MAP2: variants seen among roughly 807,000 people sequenced by gnomAD.
The protein encoded by MAP2 is microtubule associated protein 2, also known as microtubule-associated protein 2.
In MAP2, 14 loss-of-function variants were observed where a neutral mutation model predicts 137.6. That is an observed-to-expected ratio of 0.10 (90% CI 0.07 to 0.16). The LOEUF is 0.16. Among genes scored for constraint, MAP2 ranks in the 10% least tolerant of loss-of-function variants. The probability of loss-of-function intolerance (pLI) is 1.00; values close to 1 mark genes in which losing one functional copy is unlikely to be tolerated. For synonymous variants in MAP2, 786 were observed against 782.3 expected (o/e 1.00, Z -0.08); for missense variants, 2,088 against 2,191.5 (o/e 0.95, Z 0.94).
intron 2 of MAP2, among the ~76,000 whole-genome samples, chr2:209,572,064 A>G (rs1383993133): frequency 6.6e-6 from 1 of 152,068 alleles, no homozygotes; most frequent in African/African-American, 2.4e-5. Flanking sequence ...TTATGTACAT[A>G]CATTTGGATA....
chr2:209,720,423 G>A (rs1323278754), intron 13 of MAP2, among the ~76,000 whole-genome samples: 4 of 152,062 alleles, frequency 2.6e-5, no homozygotes, highest in Non-Finnish European at 4.4e-5. Flanking sequence ...CAGATCACGA[G>A]GTCAGGAGAT....
At chr2:209,439,114 C>A (rs1697112978) in intron 1 of MAP2, among the ~76,000 whole-genome samples, 1 of 151,344 alleles carries the variant, frequency 6.6e-6, no homozygotes, top group Admixed American at 6.6e-5. Flanking sequence ...AATAAAGTTT[C>A]TTCTCTAATT....
chr2:209,466,349 T>A (rs764444373), intron 1 of MAP2, among the ~76,000 whole-genome samples: 6 of 152,164 alleles, frequency 3.9e-5, no homozygotes, highest in Non-Finnish European at 7.4e-5. Context: ...TCTAGACTGA[T>A]TTTTCCCTAA....
intron 4 of MAP2, among the ~76,000 whole-genome samples, chr2:209,625,627 C>T (rs866150493): frequency 1.1e-4 from 17 of 152,146 alleles, no homozygotes; most frequent in African/African-American, 4.1e-4. Flanking sequence ...GAAGCAGGCA[C>T]TGGACAGAAC....
chr2:209,426,508 A>G (rs1692623824), intron 1 of MAP2, among the ~76,000 whole-genome samples: 1 of 152,140 alleles, frequency 6.6e-6, no homozygotes, highest in African/African-American at 2.4e-5. Context: ...TGACTTGTTT[A>G]CAGCACCTTC....
At chr2:209,716,392 A>T (rs2067639514) in intron 13 of MAP2, among the ~76,000 whole-genome samples, 1 of 152,254 alleles carries the variant, frequency 6.6e-6, no homozygotes, top group Admixed American at 6.5e-5. Flanking sequence ...CATGACAGTT[A>T]TTATCCAAAG....
intron 2 of MAP2, among the ~76,000 whole-genome samples, chr2:209,523,158 G>A (rs1318660434): frequency 4.6e-5 from 7 of 152,070 alleles, no homozygotes; most frequent in African/African-American, 1.4e-4. Context: ...ACTCAGAGCC[G>A]TCTTTCCTAC....
intron 1 of MAP2, among the ~76,000 whole-genome samples, chr2:209,434,058 A>G (rs528262846): frequency 1.3e-5 from 2 of 152,234 alleles, no homozygotes; most frequent in East Asian, 1.9e-4. Context: ...ATCTCCTGAC[A>G]ATTTGGTAAA....
chr2:209,657,234 A>AAT (rs1263594806), intron 5 of MAP2, among the ~76,000 whole-genome samples: 2 of 152,188 alleles, frequency 1.3e-5, no homozygotes, highest in East Asian at 3.8e-4. Context: ...TGCTGCAATA[A>AAT]ATATATGAGT....
At chr2:209,591,707 A>G (rs2079300486) in intron 3 of MAP2, among the ~76,000 whole-genome samples, 1 of 152,194 alleles carries the variant, frequency 6.6e-6, no homozygotes, top group African/African-American at 2.4e-5. Context: ...CTATTCCCCA[A>G]GAGTTCTTCT....
chr2:209,559,593 G>A (rs1448366046), intron 2 of MAP2, among the ~76,000 whole-genome samples: 1 of 151,376 alleles, frequency 6.6e-6, no homozygotes, highest in Non-Finnish European at 1.5e-5. Flanking sequence ...AGAGGTTGTA[G>A]TGAGCCAAGA....
At chr2:209,470,958 C>T (rs370694700) in intron 1 of MAP2, among the ~76,000 whole-genome samples, 3 of 152,238 alleles carry the variant, frequency 2.0e-5, no homozygotes, top group East Asian at 3.9e-4. Flanking sequence ...TTGGAGTAGA[C>T]TAATTTTGGA....
intron 4 of MAP2, among the ~76,000 whole-genome samples, chr2:209,625,915 C>T (rs2092232767): frequency 6.6e-6 from 1 of 151,948 alleles, no homozygotes; most frequent in African/African-American, 2.4e-5. Context: ...TCTTTAAACT[C>T]AAAATTCCTA....
In MAP2 at chr2:209,732,226, A is replaced by G. The variant is rs114531804; in HGVS notation, c.*1829A>G. ...ATGTACTGAGGCAACGGGGAAGTATAGAAACATCCAAGACAAAAGCCAAGG... is the reference window on the plus strand; with the variant it reads ...ATGTACTGAGGCAACGGGGAAGTATGGAAACATCCAAGACAAAAGCCAAGG... On this transcript the variant is annotated 3_prime_UTR_variant, in exon 16 of 16. Coordinates refer to ENST00000682079, the MANE Select transcript of MAP2 (RefSeq NM_001375505.1). 2,274 of 152,346 alleles carry G rather than the reference A, an allele frequency of 0.015. 16 individuals carry two copies. The highest frequency in any genetic ancestry group is 0.024 in the Non-Finnish European group (1,630 of 68,040). 9.4% of individuals were successfully genotyped at this position (152,346 alleles called of 1,614,324 possible).
At chr2:209,496,808 T>G (rs555047509) in intron 1 of MAP2, among the ~76,000 whole-genome samples, 2 of 152,234 alleles carry the variant, frequency 1.3e-5, no homozygotes, top group Admixed American at 6.5e-5. Flanking sequence ...AATTCTTTTT[T>G]TGTGTGTGTG....
At chr2:209,537,154 A>G (rs1048868756) in intron 2 of MAP2, among the ~76,000 whole-genome samples, 1 of 152,198 alleles carries the variant, frequency 6.6e-6, no homozygotes, top group African/African-American at 2.4e-5. Flanking sequence ...TTTCAACAGC[A>G]TAAGCTCACT....
In MAP2 at chr2:209,728,246, C is replaced by T. The variant is rs536902273; in HGVS notation, c.5156-1604C>T. Among the ~76,000 whole-genome samples the T allele has an allele frequency of 4.6e-5, 7 of 152,194 alleles. No homozygotes were observed. The South Asian group carries it at 1.2e-3, about 27-fold the overall frequency. Reference sequence around the variant, plus strand: ...GCTACCAAAAATACAAAAATAAGATCACAAAGAAGTTGTTCTTATCTAGTT... The same window carrying T: ...GCTACCAAAAATACAAAAATAAGATTACAAAGAAGTTGTTCTTATCTAGTT... On this transcript the variant is annotated intron_variant, in intron 14 of 15. Transcript: ENST00000682079.
chr2:209,717,369 A>G (rs1436666142), intron 13 of MAP2, among the ~76,000 whole-genome samples: 1 of 152,126 alleles, frequency 6.6e-6, no homozygotes, highest in African/African-American at 2.4e-5. Context: ...GAGAACAGCA[A>G]GGGGGAAATC....
At chr2:209,471,269 T>A (rs1032480546) in intron 1 of MAP2, among the ~76,000 whole-genome samples, 1 of 152,174 alleles carries the variant, frequency 6.6e-6, no homozygotes, top group Non-Finnish European at 1.5e-5. Flanking sequence ...TTACTCAAAC[T>A]CCTTCAGGTT....
Sources: gnomAD v4.1 joint callset for allele counts (sites outside exome capture counted in the v4.1 genomes callset) on GRCh38, gnomAD v4.1.1 for gene constraint, MANE v1.5 for transcripts, NCBI Gene and HGNC (gene_info 2026-07-23, HGNC 2026-07-21) for gene names.